GAS7: variants seen among roughly 807,000 people sequenced by gnomAD.
The protein encoded by GAS7 is growth arrest-specific protein 7.
In GAS7, 28 loss-of-function variants were observed where a neutral mutation model predicts 71.1. The ratio of observed to expected loss-of-function variants is 0.39; its 90% confidence interval spans 0.29 to 0.54. The LOEUF (loss-of-function observed/expected upper bound fraction) is 0.54. Among genes scored for constraint, GAS7 ranks in the 20% least tolerant of loss-of-function variants. The pLI is 0.62. For synonymous variants in GAS7, 258 were observed against 245.8 expected (o/e 1.05, Z -0.46); for missense variants, 436 against 627.8 (o/e 0.69, Z 3.27).
intron 2 of GAS7, among the ~76,000 whole-genome samples, chr17:9,997,342 G>T (rs1238054894): frequency 6.6e-6 from 1 of 151,892 alleles, no homozygotes; most frequent in Admixed American, 6.6e-5. Context: ...GGCCTCAAAG[G>T]GCAGAAATCA....
At chr17:10,088,973 T>C (rs751648811) in intron 1 of GAS7, among the ~76,000 whole-genome samples, 1 of 151,504 alleles carries the variant, frequency 6.6e-6, no homozygotes, top group Non-Finnish European at 1.5e-5. Flanking sequence ...GCCTGACCAA[T>C]ATGGCAAAAC....
chr17:10,048,762 C>A (rs2073018641), intron 1 of GAS7, among the ~76,000 whole-genome samples: 1 of 152,166 alleles, frequency 6.6e-6, no homozygotes, highest in Admixed American at 6.5e-5. Flanking sequence ...CATCTCCTTA[C>A]CCTCCAGGCA....
intron 1 of GAS7, among the ~76,000 whole-genome samples, chr17:10,067,960 G>A (rs551799982): frequency 8.5e-5 from 13 of 152,114 alleles, no homozygotes; most frequent in Non-Finnish European, 1.6e-4. Context: ...GTAAAGAATC[G>A]GGGTGTGGCC....
intron 7 of GAS7, 46 bp downstream of exon 7, chr17:9,943,075 G>T: frequency 7.8e-7 from 1 of 1,280,576 alleles, no homozygotes; most frequent in Non-Finnish European, 1.1e-6. Context: ...GGGCCCCGGG[G>T]AACACTGGTG....
intron 9 of GAS7, among the ~76,000 whole-genome samples, chr17:9,932,854 A>G (rs1036062568): frequency 6.6e-6 from 1 of 152,154 alleles, no homozygotes; most frequent in East Asian, 1.9e-4. Flanking sequence ...TCCTGGCACT[A>G]GTATCTTCAG....
At chr17:10,010,761 C>T (rs779346375) in intron 2 of GAS7, among the ~76,000 whole-genome samples, 10 of 152,314 alleles carry the variant, frequency 6.6e-5, no homozygotes, top group Non-Finnish European at 8.8e-5. Flanking sequence ...AAGTGTTATA[C>T]ATCTCTTGTA....
chr17:9,938,135 G>A (rs1236102605), intron 8 of GAS7, among the ~76,000 whole-genome samples: 2 of 152,090 alleles, frequency 1.3e-5, no homozygotes, highest in Non-Finnish European at 1.5e-5. Context: ...TTTGGCAATG[G>A]GGCCTTTAAG....
At chr17:10,121,168 G>A (rs931969908) in intron 1 of GAS7, among the ~76,000 whole-genome samples, 3 of 152,228 alleles carry the variant, frequency 2.0e-5, no homozygotes, top group South Asian at 2.1e-4. Flanking sequence ...ATCACCTGAG[G>A]TCGGGAGTTT....
rs1023530926 is a variant in GAS7, at chr17:9,974,892, G to A, written c.386-5130C>T. 2.0e-5 allele frequency among the ~76,000 whole-genome samples: 3 copies of A among 152,184 alleles called. No homozygotes were observed. The highest frequency in any genetic ancestry group is 4.4e-5 in the Non-Finnish European group (3 of 68,042). On this transcript the variant is annotated intron_variant, in intron 3 of 13. Coordinates refer to ENST00000432992, the MANE Select transcript of GAS7 (RefSeq NM_201433.2). The surrounding 1 kb of genome is among the most constrained non-coding windows in gnomAD (Gnocchi z 4.0). ...TCCATATCTCAGTACCGATCCCTGAGGGAAAAAGTCGCATCCTCAGAGCCC... is the reference window on the plus strand; with the variant it reads ...TCCATATCTCAGTACCGATCCCTGAAGGAAAAAGTCGCATCCTCAGAGCCC...
chr17:10,119,430 C>A (rs1193078293), intron 1 of GAS7, among the ~76,000 whole-genome samples: 1 of 152,200 alleles, frequency 6.6e-6, no homozygotes, highest in Non-Finnish European at 1.5e-5. Context: ...GAGGTTAAGA[C>A]AACTAATTAT....
intron 1 of GAS7, among the ~76,000 whole-genome samples, chr17:10,174,015 T>C (rs568197632): frequency 1.4e-4 from 22 of 152,334 alleles, no homozygotes; most frequent in African/African-American, 4.8e-4. Context: ...TCCTTTATAC[T>C]GGCTGAACTG....
chr17:10,145,907 T>C (rs1031143188), intron 1 of GAS7, among the ~76,000 whole-genome samples: 25 of 152,148 alleles, frequency 1.6e-4, no homozygotes. Flanking sequence ...ATCTCAACAA[T>C]GAGAACTTGC....
At chr17:10,181,489 A>G (rs1195384204) in intron 1 of GAS7, among the ~76,000 whole-genome samples, 1 of 152,144 alleles carries the variant, frequency 6.6e-6, no homozygotes, top group Non-Finnish European at 1.5e-5. Context: ...CAGCATGCAC[A>G]GGGTACAGAA....
chr17:9,930,974 G>C (rs1328515360), intron 9 of GAS7, among the ~76,000 whole-genome samples: 1 of 152,212 alleles, frequency 6.6e-6, no homozygotes, highest in Non-Finnish European at 1.5e-5. Context: ...CCTGTGTCCT[G>C]AACACTAACT....
At chr17:10,151,160 CTTTTTT>C (rs1255143652) in intron 1 of GAS7, among the ~76,000 whole-genome samples, 12 of 151,996 alleles carry the variant, frequency 7.9e-5, no homozygotes, top group African/African-American at 2.9e-4. Context: ...CAGACTTCTT[CTTTTTT>C]TAAGTTTGGT....
In GAS7 at chr17:9,926,644, C is replaced by A; in HGVS notation, c.1011G>T (p.Glu337Asp). The A allele has an allele frequency of 6.2e-7, 1 of 1,613,352 alleles. No individual in the cohort carries two copies. Among genetic ancestry groups the A allele is most frequent in the South Asian group, 1.1e-5 (1 of 91,082 alleles). The stretch of plus-strand genomic sequence containing the variant: ...CCCAGCGTCCTGGGCCTCTCACCTT[C>A]TCCACCGAGGCATAGCGGCTGGCGA... ...KQLASRYASV[E>D]KARKALTERQ... is the part of the protein sequence containing the mutation. Residue 337 changes from glutamate to aspartate, a missense_variant, in exon 10 of 14, where the codon GAG (glutamate) becomes GAT (aspartate). Glu to Asp is a conservative substitution (Grantham distance 45, BLOSUM62 2). Coordinates refer to ENST00000432992, the MANE Select transcript of GAS7 (RefSeq NM_201433.2). This position sits in a 1 kb window ranked among gnomAD's most constrained non-coding sequence, Gnocchi z 5.0.
chr17:10,037,121 T>C (rs1445856039), intron 1 of GAS7, among the ~76,000 whole-genome samples: 3 of 152,168 alleles, frequency 2.0e-5, no homozygotes, highest in Non-Finnish European at 4.4e-5. Context: ...GAGATGAAGG[T>C]CTCTTGCCTT....
intron 2 of GAS7, among the ~76,000 whole-genome samples, chr17:10,012,684 T>C (rs2071822396): frequency 1.3e-5 from 2 of 152,186 alleles, no homozygotes; most frequent in Non-Finnish European, 2.9e-5. Context: ...GTGGTCTGAA[T>C]GTTTGTGTCC....
intron 1 of GAS7, among the ~76,000 whole-genome samples, chr17:10,196,584 C>T (rs953880466): frequency 8.5e-5 from 13 of 152,118 alleles, no homozygotes; most frequent in African/African-American, 2.4e-4. Context: ...GTCCCTTTCC[C>T]GGAAGAAAAA....
Sources: allele counts gnomAD v4.1 joint callset (sites outside exome capture counted in the v4.1 genomes callset), GRCh38; gene constraint gnomAD v4.1.1; non-coding constraint Gnocchi (gnomAD v3.1); transcripts MANE v1.5; gene names NCBI Gene and HGNC (gene_info 2026-07-23, HGNC 2026-07-21).